ZBTB10: variants seen among roughly 807,000 people sequenced by gnomAD.
ZBTB10 encodes the protein zinc finger and BTB domain containing 10.
ZBTB10 carries 32 observed loss-of-function variants against 76.4 expected under a neutral mutation model. The observed-to-expected ratio is 0.42, with a 90% CI of 0.32 to 0.56. The LOEUF is 0.56. Among genes scored for constraint, ZBTB10 ranks in the 20% least tolerant of loss-of-function variants. ZBTB10 has a pLI of 0.14. For missense variants in ZBTB10, 1,057 were observed against 1,098.5 expected, an observed-to-expected ratio of 0.96 and a Z score of 0.53; for synonymous variants, 523 against 432.9, an observed-to-expected ratio of 1.21 and a Z score of -2.58.
At chr8:80,519,071 T>A in intron 5 of ZBTB10, 117 bp downstream of exon 5, 1 of 1,420,676 alleles carries the variant, frequency 7.0e-7, no homozygotes, top group Non-Finnish European at 9.3e-7. Context: ...TAAATTGCTT[T>A]AAACAGTTTG....
Position 80,486,583 on chromosome 8 carries a change from G to T in ZBTB10, c.-228G>T. On this transcript the variant is annotated 5_prime_UTR_variant, in exon 1 of 6. Transcript: ENST00000455036. The stretch of plus-strand genomic sequence containing the variant: ...CGGGGCGGGGGTGGAGGACGAGAGA[G>T]CGGTCGGAGGCGTCGGCCCGGCAGC... 9 of 986,698 alleles carry T rather than the reference G, an allele frequency of 9.1e-6. No homozygotes were observed. The highest frequency in any genetic ancestry group is 1.7e-5 in the African/African-American group (1 of 57,216). The allele number at this position is 986,698 out of a possible 1,614,324, so 61.1% of individuals were successfully genotyped here.
At chr8:80,502,302 C>G (rs56939922) in intron 2 of ZBTB10, among the ~76,000 whole-genome samples, 27,710 of 152,136 alleles carry the variant, frequency 0.18, 3,228 homozygotes, top group Admixed American at 0.28. Flanking sequence ...GTGGCACAGT[C>G]TTGGTTCACT....
At position 80,520,069 on chromosome 8, in the gene ZBTB10, G is replaced by A. The variant is rs915814922; in HGVS notation, c.*541G>A. The A allele has an allele frequency of 3.3e-5, 5 of 152,020 alleles. No homozygotes were observed. The highest frequency in any genetic ancestry group is 4.4e-5 in the Non-Finnish European group (3 of 67,854). The allele number at this position is 152,020 out of a possible 1,614,324, so 9.4% of individuals were successfully genotyped here. On this transcript the variant is annotated 3_prime_UTR_variant, in exon 6 of 6. Coordinates refer to ENST00000455036, the MANE Select transcript of ZBTB10 (RefSeq NM_001105539.3). ...TTTCTTGTATTTTTCCATTTAATTT[G>A]CTTCATAACTTAAACCAAGTCTCTT... is the stretch of plus-strand genomic sequence containing the variant.
At chr8:80,504,351 A>G (rs1193836920) in intron 2 of ZBTB10, among the ~76,000 whole-genome samples, 1 of 152,196 alleles carries the variant, frequency 6.6e-6, no homozygotes, top group Non-Finnish European at 1.5e-5. Flanking sequence ...TCTTCTAGTT[A>G]CTGTGTCTTC....
intron 2 of ZBTB10, among the ~76,000 whole-genome samples, chr8:80,504,000 G>A (rs892485900): frequency 6.6e-6 from 1 of 152,160 alleles, no homozygotes; most frequent in African/African-American, 2.4e-5. Context: ...AACATAGCCT[G>A]TGTTTACCAA....
Position 80,500,159 on chromosome 8 carries a change from G to A in ZBTB10, c.1638G>A (p.Met546Ile), listed in dbSNP as rs747037945. Residue 546 changes from methionine (M) to isoleucine (I), a missense_variant, in exon 2 of 6, where the codon ATG becomes ATA. Met to Ile is a conservative substitution (Grantham distance 10). Transcript: ENST00000455036. ...GGGTCCAGGATGGATCTCCTGAAAT[G>A]GCTGAAAATGAATCTGAAGGTCAAA... ...SSWVQDGSPE[M>I]AENESEGQTK... 9.3e-6 allele frequency: 15 copies of A among 1,613,048 alleles called. No homozygotes were observed. Among genetic ancestry groups the A allele is most frequent in the African/African-American group, 1.3e-5 (1 of 75,024 alleles).
chr8:80,506,852 C>T (rs1012279942), intron 2 of ZBTB10, among the ~76,000 whole-genome samples: 2 of 151,338 alleles, frequency 1.3e-5, no homozygotes, highest in Admixed American at 1.3e-4. Context: ...TTTGCTAAAC[C>T]TCTTAGGCAT....
At chr8:80,494,187 A>G (rs1664570176) in intron 1 of ZBTB10, among the ~76,000 whole-genome samples, 2 of 152,186 alleles carry the variant, frequency 1.3e-5, no homozygotes, top group Admixed American at 6.5e-5. Context: ...TTTAGTTTAC[A>G]CTTAAATGTT....
rs1052031576 is a variant in ZBTB10 at position 80,487,205 on chromosome 8, G to A, written c.395G>A (p.Gly132Asp). The A allele has an allele frequency of 6.5e-7, 1 of 1,542,910 alleles. No individual in the cohort carries two copies. The highest frequency in any genetic ancestry group is 1.2e-5 in the South Asian group (1 of 83,766). Residue 132 changes from glycine (G) to aspartate (D), a missense_variant, in exon 1 of 6, where the codon GGT becomes GAT. This residue lies in a region of ZBTB10 where 556 missense variants were observed against 451.7 expected (regional missense o/e 1.23). Coordinates refer to ENST00000455036, the MANE Select transcript of ZBTB10 (RefSeq NM_001105539.3). Reference sequence around the variant, plus strand: ...GCCTTCCGAGGCGGCGGCGGCGGGGGTCTCGGCAACAATGGCAGTAGCCGC... The same window carrying A: ...GCCTTCCGAGGCGGCGGCGGCGGGGATCTCGGCAACAATGGCAGTAGCCGC... ...TLAFRGGGGG[G>D]LGNNGSSRGR...
intron 2 of ZBTB10, among the ~76,000 whole-genome samples, chr8:80,501,025 C>A (rs1211453840): frequency 6.6e-6 from 1 of 152,132 alleles, no homozygotes; most frequent in African/African-American, 2.4e-5. Flanking sequence ...TGCCACCACA[C>A]CCAGCTAATT....
chr8:80,504,312 G>A (rs796454874), intron 2 of ZBTB10, among the ~76,000 whole-genome samples: 4 of 152,276 alleles, frequency 2.6e-5, no homozygotes, highest in African/African-American at 9.6e-5. Flanking sequence ...TGCAAACAAT[G>A]CTTGGCATGT....
chr8:80,499,467 ATAT>A (rs776896946), intron 1 of ZBTB10, 24 bp from the exon 2 acceptor site: 21 of 1,531,894 alleles, frequency 1.4e-5, no homozygotes, highest in African/African-American at 2.8e-5. Flanking sequence ...ATAAAGTTTA[ATAT>A]TAATGTTTTT....
intron 2 of ZBTB10, among the ~76,000 whole-genome samples, chr8:80,501,250 T>C (rs1815917075): frequency 6.6e-6 from 1 of 152,250 alleles, no homozygotes; most frequent in South Asian, 2.1e-4. Flanking sequence ...TTGCATTCAT[T>C]GCAAAGCCTC....
chr8:80,502,459 A>G (rs1366724730), intron 2 of ZBTB10, among the ~76,000 whole-genome samples: 1 of 152,020 alleles, frequency 6.6e-6, no homozygotes, highest in African/African-American at 2.4e-5. Flanking sequence ...CTGGTCTCGA[A>G]CTCGTGACCT....
At chr8:80,490,677 C>T (rs762081475) in intron 1 of ZBTB10, among the ~76,000 whole-genome samples, 12 of 152,162 alleles carry the variant, frequency 7.9e-5, no homozygotes, top group Admixed American at 1.3e-4. Flanking sequence ...CTCTTAATAT[C>T]TTGTCTTAAA....
intron 3 of ZBTB10, 84 bp downstream of exon 3, chr8:80,514,092 C>T: frequency 8.1e-7 from 1 of 1,229,522 alleles, no homozygotes; most frequent in South Asian, 1.3e-5. Context: ...AATTTCTCTT[C>T]CATAAGGGGG....
rs945530816 is a variant in ZBTB10, at chr8:80,524,448, A to G, written c.*4920A>G. On this transcript the variant is annotated 3_prime_UTR_variant, in exon 6 of 6. Transcript: ENST00000455036. Reference sequence around the variant, plus strand: ...GGTAAACTGCTTCATCCCATGTTGTATATTTGTGGACTGATTGACTACAAG... The same window carrying G: ...GGTAAACTGCTTCATCCCATGTTGTGTATTTGTGGACTGATTGACTACAAG... 3 of 152,098 alleles carry G rather than the reference A, an allele frequency of 2.0e-5. No homozygotes were observed. Among genetic ancestry groups the G allele is most frequent in the Admixed American group, 1.3e-4 (2 of 15,246 alleles). 9.4% of individuals were successfully genotyped at this position (152,098 alleles called of 1,614,324 possible).
chr8:80,512,659 C>G (rs1585859009), intron 2 of ZBTB10, among the ~76,000 whole-genome samples: 1 of 152,308 alleles, frequency 6.6e-6, no homozygotes, highest in East Asian at 1.9e-4. Flanking sequence ...TTGCAGTGAG[C>G]TGAGATCGTG....
In ZBTB10 at chr8:80,523,357, A is replaced by G. The variant is rs1037574117; in HGVS notation, c.*3829A>G. 7 of 151,966 alleles carry G rather than the reference A, an allele frequency of 4.6e-5. No homozygotes were observed. Among genetic ancestry groups the G allele is most frequent in the Admixed American group, 1.3e-4 (2 of 15,234 alleles). The allele number at this position is 151,966 out of a possible 1,614,324, so 9.4% of individuals were successfully genotyped here. ...ATTTTGAGTGTCTTTCCTCCCCCCAATAAATTTCCTTACTACTCTTTCTTC... is the reference window on the plus strand; with the variant it reads ...ATTTTGAGTGTCTTTCCTCCCCCCAGTAAATTTCCTTACTACTCTTTCTTC... On this transcript the variant is annotated 3_prime_UTR_variant, in exon 6 of 6. Coordinates refer to ENST00000455036, the MANE Select transcript of ZBTB10 (RefSeq NM_001105539.3).
Sources: allele counts gnomAD v4.1 joint callset (sites outside exome capture counted in the v4.1 genomes callset), GRCh38; gene constraint gnomAD v4.1.1; regional missense constraint gnomAD v4.1.1; transcripts MANE v1.5; gene names NCBI Gene and HGNC (gene_info 2026-07-23, HGNC 2026-07-21).